The following FHIT variants were observed in gnomAD, a reference collection of about 807,000 sequenced individuals.
FHIT encodes fragile histidine triad diadenosine triphosphatase, also known as bis(5'-adenosyl)-triphosphatase.
FHIT carries 19 observed loss-of-function variants against 17.9 expected under a neutral mutation model. That is an observed-to-expected ratio of 1.06 (90% CI 0.74 to 1.56). FHIT has a LOEUF of 1.56. Among genes scored for constraint, FHIT ranks in the 40% most tolerant of loss-of-function variants. The pLI is 0.00. For synonymous variants in FHIT, 81 were observed against 69.7 expected (o/e 1.16, Z -0.81); for missense variants, 248 against 189.2 (o/e 1.31, Z -1.82).
intron 3 of FHIT, among the ~76,000 whole-genome samples, chr3:60,835,725 C>A (rs1463096712): frequency 6.6e-6 from 1 of 152,174 alleles, no homozygotes; most frequent in Non-Finnish European, 1.5e-5. Context: ...TCCAGCCATC[C>A]TCCTGCCTCA....
At chr3:60,008,232 G>C (rs1241061092) in intron 7 of FHIT, among the ~76,000 whole-genome samples, 1 of 152,124 alleles carries the variant, frequency 6.6e-6, no homozygotes, top group South Asian at 2.1e-4. Context: ...GTTTGGATCT[G>C]TATGGTTGAA....
At chr3:60,322,720 A>G (rs546737848) in intron 5 of FHIT, among the ~76,000 whole-genome samples, 3 of 152,348 alleles carry the variant, frequency 2.0e-5, no homozygotes, top group Admixed American at 2.0e-4. Context: ...TCACATGGGT[A>G]GTCACAACAC....
intron 2 of FHIT, among the ~76,000 whole-genome samples, chr3:61,101,408 C>T (rs1279402193): frequency 6.6e-6 from 1 of 152,106 alleles, no homozygotes; most frequent in African/African-American, 2.4e-5. Flanking sequence ...TGTTCTATTC[C>T]GTTGGTCTAT....
At chr3:61,190,671 G>C (rs2038684764) in intron 2 of FHIT, among the ~76,000 whole-genome samples, 1 of 152,082 alleles carries the variant, frequency 6.6e-6, no homozygotes, top group South Asian at 2.1e-4. Context: ...GCAAAGACTT[G>C]GAACCGACCC....
intron 5 of FHIT, among the ~76,000 whole-genome samples, chr3:60,309,682 C>G (rs1708851939): frequency 6.6e-6 from 1 of 152,110 alleles, no homozygotes; most frequent in African/African-American, 2.4e-5. Flanking sequence ...ACTCTGAGGT[C>G]AGATTCTTCT....
intron 5 of FHIT, among the ~76,000 whole-genome samples, chr3:60,029,897 C>CTGTGTG (rs71089569): frequency 0.02 from 2,597 of 127,878 alleles, 52 homozygotes; most frequent in East Asian, 0.1. Context: ...GTGTGTGTGT[C>CTGTGTG]TGTGTGTGTG....
chr3:60,966,676 A>G (rs930102380), intron 3 of FHIT, among the ~76,000 whole-genome samples: 1 of 152,242 alleles, frequency 6.6e-6, no homozygotes, highest in Non-Finnish European at 1.5e-5. Flanking sequence ...GTCAAGCTAC[A>G]GTGTGGAAAA....
At chr3:59,917,130 C>A (rs1198528572) in intron 8 of FHIT, among the ~76,000 whole-genome samples, 1 of 152,218 alleles carries the variant, frequency 6.6e-6, no homozygotes, top group Non-Finnish European at 1.5e-5. Context: ...AAATGGCCTG[C>A]ATTTTAGCAA....
At chr3:60,151,421 A>T (rs62240255) in intron 5 of FHIT, among the ~76,000 whole-genome samples, 28,225 of 152,120 alleles carry the variant, frequency 0.19, 3,053 homozygotes, top group Middle Eastern at 0.36. Flanking sequence ...AAAGCCTCCT[A>T]ATCAGTCCAA....
intron 5 of FHIT, among the ~76,000 whole-genome samples, chr3:60,041,986 T>TA (rs975701958): frequency 3.3e-5 from 5 of 152,152 alleles, no homozygotes; most frequent in Non-Finnish European, 5.9e-5. Context: ...AAGTATACAA[T>TA]AAAAAAATAA....
intron 7 of FHIT, among the ~76,000 whole-genome samples, chr3:59,930,950 C>A (rs1705941416): frequency 6.6e-6 from 1 of 152,158 alleles, no homozygotes; most frequent in Non-Finnish European, 1.5e-5. Flanking sequence ...TGTTCAGTCA[C>A]TGGAGATGGG....
At chr3:60,120,855 T>C (rs1251804215) in intron 5 of FHIT, among the ~76,000 whole-genome samples, 8 of 151,802 alleles carry the variant, frequency 5.3e-5, no homozygotes, top group South Asian at 2.1e-4. Context: ...ATTTTTTTTT[T>C]CCACCATTTG....
At chr3:60,808,365 G>A (rs1370902343) in intron 4 of FHIT, among the ~76,000 whole-genome samples, 2 of 151,988 alleles carry the variant, frequency 1.3e-5, no homozygotes, top group Non-Finnish European at 1.5e-5. Flanking sequence ...TTGTCTATGA[G>A]AATGAACCCT....
chr3:60,159,950 C>G (rs1354829966), intron 5 of FHIT, among the ~76,000 whole-genome samples: 1 of 152,218 alleles, frequency 6.6e-6, no homozygotes, highest in Non-Finnish European at 1.5e-5. Flanking sequence ...TGATACTACA[C>G]TGCCTTGTTC....
intron 5 of FHIT, among the ~76,000 whole-genome samples, chr3:60,237,249 G>A (rs1454695237): frequency 6.8e-6 from 1 of 146,936 alleles, no homozygotes; most frequent in African/African-American, 2.5e-5. Context: ...ATATTAACAG[G>A]TTTTGTTTTT....
intron 5 of FHIT, among the ~76,000 whole-genome samples, chr3:60,492,951 T>A (rs1449504441): frequency 6.6e-6 from 1 of 152,150 alleles, no homozygotes; most frequent in African/African-American, 2.4e-5. Flanking sequence ...TTATTTGCTC[T>A]GGGCGAGTAA....
intron 1 of FHIT, among the ~76,000 whole-genome samples, chr3:61,217,036 C>T (rs1252515849): frequency 6.6e-6 from 1 of 151,460 alleles, no homozygotes; most frequent in Non-Finnish European, 1.5e-5. Flanking sequence ...GGAGATATGC[C>T]TAATGCTAAA....
At chr3:59,992,337 C>A (rs56387011) in intron 7 of FHIT, among the ~76,000 whole-genome samples, 1 of 152,048 alleles carries the variant, frequency 6.6e-6, no homozygotes. Flanking sequence ...ATTACTTTTA[C>A]AATTAAGCTG....
At chr3:60,121,745 C>CA (rs1559651270) in intron 5 of FHIT, among the ~76,000 whole-genome samples, 1 of 147,058 alleles carries the variant, frequency 6.8e-6, no homozygotes, top group Non-Finnish European at 1.5e-5. Flanking sequence ...CACACACACA[C>CA]ATTAGCCCTG....
Sources: gnomAD v4.1 joint callset for allele counts (sites outside exome capture counted in the v4.1 genomes callset) on GRCh38, gnomAD v4.1.1 for gene constraint, MANE v1.5 for transcripts, NCBI Gene and HGNC (gene_info 2026-07-23, HGNC 2026-07-21) for gene names.